Variants in SEMA5A observed in about 807,000 individuals in gnomAD.
The protein encoded by SEMA5A is semaphorin 5A.
Under a neutral mutation model 135.5 loss-of-function variants are expected in SEMA5A, and 55 were observed. The observed-to-expected ratio is 0.41, with a 90% CI of 0.33 to 0.51. The LOEUF is 0.51. Ranked by LOEUF, SEMA5A falls within the 20% of genes least tolerant of loss-of-function variation. The pLI is 0.37. For missense variants in SEMA5A, 1,290 were observed against 1,419.9 expected, an observed-to-expected ratio of 0.91 and a Z score of 1.47; for synonymous variants, 580 against 546.5, an observed-to-expected ratio of 1.06 and a Z score of -0.85.
chr5:9,229,510 G>A (rs1213359119), intron 6 of SEMA5A, among the ~76,000 whole-genome samples: 4 of 152,098 alleles, frequency 2.6e-5, no homozygotes, highest in East Asian at 3.9e-4. Flanking sequence ...GAAGGAAGCC[G>A]ATGCCTGTCA....
In SEMA5A at chr5:9,062,952, T is replaced by C. The variant is rs371404491; in HGVS notation, c.2453A>G (p.Tyr818Cys). Residue 818 changes from tyrosine (Y) to cysteine (C), a missense_variant, in exon 18 of 23, where the codon TAT (tyrosine) becomes TGT (cysteine). Tyr to Cys is a radical substitution (Grantham distance 194, BLOSUM62 -2). Transcript: ENST00000382496. ...TGGGCCAAGGCAAGGCATTCCCCCA[T>C]ACTTGGGTTCGGGGTTGTTGCAAAC... Reference protein sequence around the residue: ...KRVCNNPEPKYGGMPCLGPSL... With the variant: ...KRVCNNPEPKCGGMPCLGPSL... The C allele has an allele frequency of 3.1e-6, 5 of 1,614,118 alleles. No homozygotes were observed. Among genetic ancestry groups the C allele is most frequent in the Non-Finnish European group, 4.2e-6 (5 of 1,180,048 alleles).
intron 15 of SEMA5A, among the ~76,000 whole-genome samples, chr5:9,115,026 C>T (rs183844924): frequency 5.9e-5 from 9 of 152,322 alleles, no homozygotes; most frequent in Admixed American, 5.9e-4. Context: ...TCTCAGCCAT[C>T]TCAGCAGCAC....
At chr5:9,088,166 G>A (rs1366512666) in intron 16 of SEMA5A, among the ~76,000 whole-genome samples, 1 of 151,958 alleles carries the variant, frequency 6.6e-6, no homozygotes, top group African/African-American at 2.4e-5. Context: ...AATTAGCTGG[G>A]CATGGTGGCA....
chr5:9,149,043 C>T (rs991465796), intron 12 of SEMA5A, among the ~76,000 whole-genome samples: 1 of 152,132 alleles, frequency 6.6e-6, no homozygotes, highest in African/African-American at 2.4e-5. Flanking sequence ...TGATGTCATC[C>T]TGTGGGACAA....
chr5:9,255,681 T>G (rs1749031286), intron 5 of SEMA5A, among the ~76,000 whole-genome samples: 1 of 152,184 alleles, frequency 6.6e-6, no homozygotes, highest in Non-Finnish European at 1.5e-5. Flanking sequence ...CCCTGGCATC[T>G]GCTTCGGATC....
intron 5 of SEMA5A, among the ~76,000 whole-genome samples, chr5:9,315,689 T>C (rs1012954345): frequency 6.6e-6 from 1 of 152,300 alleles, no homozygotes; most frequent in Non-Finnish European, 1.5e-5. Flanking sequence ...AAGTTATTAG[T>C]TATAATTTTG....
chr5:9,518,947 A>G (rs923258037), intron 1 of SEMA5A, among the ~76,000 whole-genome samples: 1 of 152,054 alleles, frequency 6.6e-6, no homozygotes, highest in African/African-American at 2.4e-5. Context: ...CTTGATAAGC[A>G]AAGACTCATT....
At chr5:9,157,621 C>T (rs1743028211) in intron 11 of SEMA5A, among the ~76,000 whole-genome samples, 1 of 152,174 alleles carries the variant, frequency 6.6e-6, no homozygotes, top group African/African-American at 2.4e-5. Context: ...GAGGCAGGCT[C>T]CAGGCATGCA....
intron 5 of SEMA5A, among the ~76,000 whole-genome samples, chr5:9,310,728 G>A (rs1266472924): frequency 6.7e-6 from 1 of 150,372 alleles, no homozygotes; most frequent in East Asian, 1.9e-4. Context: ...TTAATAAAAG[G>A]AAGTAATTTA....
intron 5 of SEMA5A, among the ~76,000 whole-genome samples, chr5:9,275,525 TA>T (rs894155584): frequency 1.3e-4 from 19 of 149,508 alleles, no homozygotes; most frequent in African/African-American, 1.7e-4. Context: ...AGAGACACAA[TA>T]AAAAAAAAGG....
intron 11 of SEMA5A, among the ~76,000 whole-genome samples, chr5:9,157,840 G>A (rs527437643): frequency 3.3e-5 from 5 of 152,326 alleles, no homozygotes; most frequent in African/African-American, 9.6e-5. Context: ...GAGACACCCC[G>A]AAAAACCCCA....
chr5:9,328,155 C>G (rs997046421), intron 4 of SEMA5A, among the ~76,000 whole-genome samples: 1 of 152,100 alleles, frequency 6.6e-6, no homozygotes, highest in East Asian at 1.9e-4. Context: ...TTCCCACCAG[C>G]CAACCCACTC....
intron 3 of SEMA5A, among the ~76,000 whole-genome samples, chr5:9,350,876 C>G (rs1754083398): frequency 6.6e-6 from 1 of 152,188 alleles, no homozygotes; most frequent in African/African-American, 2.4e-5. Context: ...GTAATCAACC[C>G]TAACTGCAAG....
intron 1 of SEMA5A, among the ~76,000 whole-genome samples, chr5:9,526,666 T>G (rs1482124336): frequency 1.3e-5 from 2 of 152,172 alleles, no homozygotes; most frequent in African/African-American, 4.8e-5. Context: ...CGGAGCAGCT[T>G]GGCTTCAGCT....
chr5:9,484,487 G>A (rs976050668), intron 1 of SEMA5A, among the ~76,000 whole-genome samples: 1 of 152,194 alleles, frequency 6.6e-6, no homozygotes, highest in Non-Finnish European at 1.5e-5. Flanking sequence ...GGAAACACTA[G>A]AAGTGCCATT....
chr5:9,182,126 C>T (rs1744547936), intron 11 of SEMA5A, among the ~76,000 whole-genome samples: 1 of 150,696 alleles, frequency 6.6e-6, no homozygotes, highest in African/African-American at 2.5e-5. Flanking sequence ...ACATTTAATG[C>T]AACTGCTTGT....
chr5:9,444,214 A>G (rs12522870), intron 1 of SEMA5A, among the ~76,000 whole-genome samples: 96,851 of 151,662 alleles, frequency 0.64, 32,972 homozygotes, highest in Non-Finnish European at 0.76. Flanking sequence ...TTATTGGGGA[A>G]AAGGTGGTGT....
At position 9,039,892 on chromosome 5, in the gene SEMA5A, T is replaced by C. The variant is rs1735867590; in HGVS notation, c.*3005A>G. 1 of 152,208 alleles carries C rather than the reference T, an allele frequency of 6.6e-6. No homozygotes were observed. The highest frequency in any genetic ancestry group is 1.5e-5 in the Non-Finnish European group (1 of 68,056). The allele number at this position is 152,208 out of a possible 1,614,324, so 9.4% of individuals were successfully genotyped here. A position where few individuals can be genotyped will look rare whatever the true frequency, so the allele number is the denominator to read the frequency against. Reference sequence around the variant, plus strand: ...TCTTCTCCTTCCTGTAAACTGTCAGTGCACTGTAAAATCAATAGTAGATGG... The same window carrying C: ...TCTTCTCCTTCCTGTAAACTGTCAGCGCACTGTAAAATCAATAGTAGATGG... On this transcript the variant is annotated 3_prime_UTR_variant, in exon 23 of 23. Coordinates refer to ENST00000382496, the MANE Select transcript of SEMA5A (RefSeq NM_003966.3).
intron 3 of SEMA5A, among the ~76,000 whole-genome samples, chr5:9,362,705 A>G (rs926296433): frequency 1.3e-5 from 2 of 152,210 alleles, no homozygotes; most frequent in African/African-American, 2.4e-5. Context: ...ACTTGCCCCC[A>G]TGGTTTTGAA....
Sources: gnomAD v4.1 joint callset for allele counts (sites outside exome capture counted in the v4.1 genomes callset) on GRCh38, gnomAD v4.1.1 for gene constraint, MANE v1.5 for transcripts, NCBI Gene and HGNC (gene_info 2026-07-23, HGNC 2026-07-21) for gene names.